The following FGF13 variants were observed in gnomAD, a reference collection of about 807,000 sequenced individuals.
FGF13 encodes fibroblast growth factor homologous factor 2.
In FGF13, 2 loss-of-function variants were observed where a neutral mutation model predicts 19.5. That is an observed-to-expected ratio of 0.10 (90% CI 0.04 to 0.32). The LOEUF is 0.32. Ranked by LOEUF, FGF13 falls within the 10% of genes least tolerant of loss-of-function variation. The pLI is 1.00. For missense variants in FGF13, 113 were observed against 192.7 expected, an observed-to-expected ratio of 0.59 and a Z score of 2.45; for synonymous variants, 72 against 76.9, an observed-to-expected ratio of 0.94 and a Z score of 0.33.
At chrX:139,061,657 C>G (rs927842655) in intron 1 of FGF13, among the ~76,000 whole-genome samples, 5 of 111,379 alleles carry the variant, frequency 4.5e-5, no homozygotes, top group African/African-American at 1.6e-4. Context: ...GCCACAGAAA[C>G]AGAAAATGAA....
At chrX:138,679,464 C>T (rs2089706612) in intron 3 of FGF13, among the ~76,000 whole-genome samples, 1 of 111,111 alleles carries the variant, frequency 9.0e-6, no homozygotes, top group African/African-American at 3.3e-5. Context: ...ACAGGCATAC[C>T]TTGGAGATAT....
chrX:138,754,500 G>T lies in FGF13; in HGVS notation c.218-45572C>A, dbSNP rs1219237876. On this transcript the variant is annotated intron_variant, in intron 3 of 6. Transcript: ENST00000436198. ...TTTTGCATCTTTTGCTGCTGCCATT[G>T]GGAATCTTAATTTCCAGAATACTAG... Among the ~76,000 whole-genome samples the T allele has an allele frequency of 2.7e-5, 3 of 110,533 alleles. No individual in the cohort carries two copies. In the Admixed American group the frequency reaches 2.9e-4, roughly 11 times the overall value.
intron 1 of FGF13, among the ~76,000 whole-genome samples, chrX:139,125,428 C>T (rs2083708428): frequency 8.9e-6 from 1 of 111,927 alleles, no homozygotes; most frequent in Non-Finnish European, 1.9e-5. Context: ...AGAATGAAAA[C>T]TATTTTTTTT....
intron 1 of FGF13, among the ~76,000 whole-genome samples, chrX:138,991,061 A>G (rs1164256397): frequency 8.9e-6 from 1 of 111,994 alleles, no homozygotes; most frequent in Non-Finnish European, 1.9e-5. Context: ...GCAGGCCCAC[A>G]GTTACTAAAG....
intron 1 of FGF13, among the ~76,000 whole-genome samples, chrX:139,172,432 T>C (rs1419068646): frequency 9.0e-6 from 1 of 111,406 alleles, no homozygotes; most frequent in East Asian, 2.8e-4. Context: ...TGGCTTACAC[T>C]TTCCATTTCT....
chrX:138,739,534 T>C (rs765654319), upstream of FGF13, among the ~76,000 whole-genome samples: 1 of 111,927 alleles, frequency 8.9e-6, no homozygotes, highest in South Asian at 3.7e-4. Flanking sequence ...GACTCAGACA[T>C]AAGCTTTGCC....
intron 1 of FGF13, among the ~76,000 whole-genome samples, chrX:138,916,483 G>A (rs758312717): frequency 1.1e-4 from 12 of 111,947 alleles, no homozygotes; most frequent in African/African-American, 3.9e-4. Flanking sequence ...GACAGGGACA[G>A]CAATGAATCA....
intron 1 of FGF13, among the ~76,000 whole-genome samples, chrX:138,949,391 CT>C (rs1261341085): frequency 9.0e-6 from 1 of 111,503 alleles, no homozygotes; most frequent in African/African-American, 3.3e-5. Context: ...CCTTGGTGTT[CT>C]TGGCTTGTTG....
In FGF13 at chrX:138,837,245, C is replaced by G. The variant is rs765871796; in HGVS notation, c.217+20267G>C. On this transcript the variant is annotated intron_variant, in intron 3 of 6. Coordinates refer to the FGF13 transcript ENST00000436198. ...CACTTCATCCCCTGGTCACCATGGA[C>G]ACGCTGAAGCCTGAAGACTGGAATG... Among the ~76,000 whole-genome samples the G allele has an allele frequency of 4.5e-5, 5 of 112,137 alleles. No homozygotes were observed. The Admixed American group carries it at 4.7e-4, about 11-fold the overall frequency.
intron 1 of FGF13, among the ~76,000 whole-genome samples, chrX:138,917,084 A>C (rs1203044705): frequency 9.0e-6 from 1 of 111,644 alleles, no homozygotes; most frequent in African/African-American, 3.3e-5. Context: ...ATGCAAAAAA[A>C]ATGAGAAATA....
At chrX:138,836,657 A>G (rs1404611198) in intron 3 of FGF13, among the ~76,000 whole-genome samples, 2 of 111,672 alleles carry the variant, frequency 1.8e-5, no homozygotes, top group African/African-American at 6.5e-5. Flanking sequence ...AGTGAACTTC[A>G]TTCCTATCCA....
intron 1 of FGF13, among the ~76,000 whole-genome samples, chrX:139,197,699 T>TA (rs2084383660): frequency 9.0e-6 from 1 of 110,576 alleles, no homozygotes; most frequent in South Asian, 3.9e-4. Flanking sequence ...ATGATAGAAA[T>TA]AAAAATAGGA....
chrX:138,673,285 C>T (rs1290058326), intron 3 of FGF13, among the ~76,000 whole-genome samples: 2 of 111,324 alleles, frequency 1.8e-5, no homozygotes, highest in African/African-American at 3.3e-5. Context: ...CAGTTACATG[C>T]GATGGCTGGA....
chrX:138,904,077 G>A (rs1321496108), intron 1 of FGF13, among the ~76,000 whole-genome samples: 1 of 111,724 alleles, frequency 9.0e-6, no homozygotes, highest in African/African-American at 3.3e-5. Context: ...TGATTGTTCT[G>A]CCTCTCTTTC....
intron 1 of FGF13, among the ~76,000 whole-genome samples, chrX:139,007,017 A>G (rs2092104248): frequency 9.0e-6 from 1 of 111,664 alleles, no homozygotes; most frequent in African/African-American, 3.3e-5. Context: ...TTGAATGTAA[A>G]TGAACTAAAC....
Position 138,630,224 on chromosome X carries a change from T to C in FGF13, c.*2626A>G, listed in dbSNP as rs1412807039. Reference sequence around the variant, plus strand: ...CCTGGGCATTTTGACTCCATCCTATTAACGCAGGCATCCCTGAGACCCACA... The same window carrying C: ...CCTGGGCATTTTGACTCCATCCTATCAACGCAGGCATCCCTGAGACCCACA... On this transcript the variant is annotated 3_prime_UTR_variant, in exon 5 of 5. Coordinates refer to ENST00000315930, the MANE Select transcript of FGF13 (RefSeq NM_004114.5). 1 of 110,948 alleles carries C rather than the reference T, an allele frequency of 9.0e-6. No homozygotes were observed. Among genetic ancestry groups the C allele is most frequent in the Non-Finnish European group, 1.9e-5 (1 of 53,012 alleles). The allele number at this position is 110,948 out of a possible 1,213,427, so 9.1% of individuals were successfully genotyped here. A position where few individuals can be genotyped will look rare whatever the true frequency, so the allele number is the denominator to read the frequency against.
At chrX:138,680,047 C>T (rs2089712973) in intron 3 of FGF13, among the ~76,000 whole-genome samples, 1 of 112,261 alleles carries the variant, frequency 8.9e-6, no homozygotes, top group African/African-American at 3.2e-5. Flanking sequence ...TAGATCCATC[C>T]TAAGAAATTC....
At chrX:138,954,150 A>G (rs145879913) in intron 1 of FGF13, among the ~76,000 whole-genome samples, 3,064 of 108,469 alleles carry the variant, frequency 0.028, 121 homozygotes, top group African/African-American at 0.097. Flanking sequence ...ACTGAAGAGC[A>G]AGCTTTAAAA....
intron 1 of FGF13, among the ~76,000 whole-genome samples, chrX:138,899,053 G>T (rs1195860319): frequency 9.0e-6 from 1 of 111,607 alleles, no homozygotes; most frequent in Non-Finnish European, 1.9e-5. Flanking sequence ...CAAGTCCATG[G>T]AATTAGAAAC....
Sources: gnomAD v4.1 joint callset for allele counts (sites outside exome capture counted in the v4.1 genomes callset) on GRCh38, gnomAD v4.1.1 for gene constraint, MANE v1.5 for transcripts, NCBI Gene and HGNC (gene_info 2026-07-23, HGNC 2026-07-21) for gene names.